RERG: variants seen among roughly 807,000 people sequenced by gnomAD.
RERG encodes RAS like estrogen regulated growth inhibitor.
RERG carries 25 observed loss-of-function variants against 23.2 expected under a neutral mutation model. That is an observed-to-expected ratio of 1.08 (90% CI 0.79 to 1.50). The LOEUF is 1.50. Among genes scored for constraint, RERG ranks in the 40% most tolerant of loss-of-function variants. The pLI is 0.00. For synonymous variants in RERG, 81 were observed against 89.1 expected (o/e 0.91, Z 0.51); for missense variants, 253 against 250.1 (o/e 1.01, Z -0.08).
At chr12:15,122,793 T>G (rs575068502) in intron 2 of RERG, among the ~76,000 whole-genome samples, 34 of 152,048 alleles carry the variant, frequency 2.2e-4, no homozygotes, top group Admixed American at 6.6e-4. Context: ...TAGTTGTTTT[T>G]TTTTTTGTTT....
At chr12:15,196,827 ATGT>A (rs1216019884) in intron 2 of RERG, among the ~76,000 whole-genome samples, 1 of 152,110 alleles carries the variant, frequency 6.6e-6, no homozygotes, top group Non-Finnish European at 1.5e-5. Context: ...ATTTTTACAA[ATGT>A]TGTGCAATCC....
At chr12:15,147,660 T>C (rs1565519039) in intron 2 of RERG, among the ~76,000 whole-genome samples, 1 of 152,300 alleles carries the variant, frequency 6.6e-6, no homozygotes, top group East Asian at 1.9e-4. Context: ...TAACCCAGAA[T>C]GTTCAATTAA....
intron 1 of RERG, chr12:15,217,863 A>G (rs12825422): frequency 5.8e-6 from 1 of 173,070 alleles, no homozygotes; most frequent in Non-Finnish European, 1.2e-5. Context: ...TACTTCCTCA[A>G]GAAATTTTCT....
chr12:15,155,395 G>A (rs1457334226), intron 2 of RERG: 1 of 152,232 alleles, frequency 6.6e-6, no homozygotes, highest in East Asian at 1.9e-4. Flanking sequence ...TAGTCCTTCT[G>A]AGCTGTGTTT....
In RERG at chr12:15,204,855, T is replaced by C. The variant is rs1158637323; in HGVS notation, c.61+12574A>G. 2.6e-5 allele frequency among the ~76,000 whole-genome samples: 4 copies of C among 152,074 alleles called. No homozygotes were observed. The East Asian group carries it at 5.8e-4, about 22-fold the overall frequency. ...TTTTAAAAACTCATAATGAGCTCTG[T>C]CATTTCTTAAAGTCTCTCCTTCTCT... On this transcript the variant is annotated intron_variant, in intron 2 of 4. Transcript: ENST00000256953.
At chr12:15,143,532 G>C (rs1864277044) in intron 2 of RERG, among the ~76,000 whole-genome samples, 1 of 152,050 alleles carries the variant, frequency 6.6e-6, no homozygotes, top group African/African-American at 2.4e-5. Flanking sequence ...TACCTACTAT[G>C]TGCATGGCAA....
chr12:15,147,152 T>A (rs1444102554), intron 2 of RERG, among the ~76,000 whole-genome samples: 1 of 152,008 alleles, frequency 6.6e-6, no homozygotes, highest in African/African-American at 2.4e-5. Flanking sequence ...TTTAACAAAA[T>A]GAATTCACCA....
At chr12:15,169,920 ATGTGTGTGTGTGTGTGTGTGTGTGTG>A (rs61079713) in intron 2 of RERG, among the ~76,000 whole-genome samples, 1 of 137,696 alleles carries the variant, frequency 7.3e-6, no homozygotes, top group Non-Finnish European at 1.6e-5. Context: ...TCTGCTAAAA[ATGTGTGTGTGTGTGTGTGTGTGTGTG>A]TGTGTGTGTG....
At chr12:15,177,081 G>A (rs1278615782) in intron 2 of RERG, among the ~76,000 whole-genome samples, 1 of 152,190 alleles carries the variant, frequency 6.6e-6, no homozygotes, top group Non-Finnish European at 1.5e-5. Context: ...GTGATATGCA[G>A]TATGCATAAT....
intron 2 of RERG, among the ~76,000 whole-genome samples, chr12:15,172,485 T>C (rs1043150734): frequency 2.0e-5 from 3 of 152,136 alleles, no homozygotes; most frequent in Non-Finnish European, 4.4e-5. Flanking sequence ...CTATTGGATA[T>C]GTATCTAGAA....
intron 2 of RERG, among the ~76,000 whole-genome samples, chr12:15,191,242 C>T (rs544287588): frequency 5.0e-4 from 76 of 152,226 alleles, no homozygotes; most frequent in Admixed American, 2.2e-3. Context: ...TCTGTGTAGA[C>T]TAAAATGATT....
chr12:15,179,882 T>C (rs1864901094), intron 2 of RERG, among the ~76,000 whole-genome samples: 1 of 152,188 alleles, frequency 6.6e-6, no homozygotes, highest in African/African-American at 2.4e-5. Flanking sequence ...ACAGCTGGAC[T>C]TTCCATGAAG....
chr12:15,120,568 ACAT>A (rs2136088016), intron 3 of RERG, among the ~76,000 whole-genome samples: 2 of 152,164 alleles, frequency 1.3e-5, no homozygotes, highest in South Asian at 4.2e-4. Flanking sequence ...AGATCCACAG[ACAT>A]CATATTTTGC....
At position 15,108,501 on chromosome 12, in the gene RERG, G is replaced by A. The variant is rs1490058177; in HGVS notation, c.*609C>T. The A allele has an allele frequency of 2.0e-5, 3 of 152,610 alleles. No individual in the cohort carries two copies. Among genetic ancestry groups the A allele is most frequent in the African/African-American group, 7.2e-5 (3 of 41,432 alleles). The allele number at this position is 152,610 out of a possible 1,614,324, so 9.5% of individuals were successfully genotyped here. A position where few individuals can be genotyped will look rare whatever the true frequency, so the allele number is the denominator to read the frequency against. On this transcript the variant is annotated 3_prime_UTR_variant, in exon 5 of 5. Coordinates refer to ENST00000256953, the MANE Select transcript of RERG (RefSeq NM_032918.3). ...GAGAGTTAGGGTGTAATGATCAATAGATCATTGAGAGAACCAACTCAAATT... is the reference window on the plus strand; with the variant it reads ...GAGAGTTAGGGTGTAATGATCAATAAATCATTGAGAGAACCAACTCAAATT...
At chr12:15,173,197 T>C (rs965800431) in intron 2 of RERG, among the ~76,000 whole-genome samples, 1 of 152,024 alleles carries the variant, frequency 6.6e-6, no homozygotes, top group African/African-American at 2.4e-5. Flanking sequence ...TGCATTCAGT[T>C]ATCCCAGAAC....
At chr12:15,140,362 C>T (rs925859730) in intron 2 of RERG, among the ~76,000 whole-genome samples, 30 of 152,178 alleles carry the variant, frequency 2.0e-4, no homozygotes, top group African/African-American at 7.0e-4. Flanking sequence ...ACATTACTGT[C>T]ATTCATATTC....
intron 2 of RERG, among the ~76,000 whole-genome samples, chr12:15,164,246 C>G (rs779728381): frequency 7.2e-5 from 11 of 152,172 alleles, no homozygotes; most frequent in Non-Finnish European, 1.6e-4. Flanking sequence ...ATCCTCCTTT[C>G]TAGAGCTTCT....
intron 2 of RERG, among the ~76,000 whole-genome samples, chr12:15,135,727 G>C (rs1355335406): frequency 2.0e-5 from 3 of 151,916 alleles, no homozygotes; most frequent in Non-Finnish European, 2.9e-5. Flanking sequence ...ATGTCAACCG[G>C]TCTTGCATAT....
intron 2 of RERG, among the ~76,000 whole-genome samples, chr12:15,134,509 T>C (rs1864110167): frequency 6.6e-6 from 1 of 152,172 alleles, no homozygotes; most frequent in Non-Finnish European, 1.5e-5. Context: ...TTCTGATTAC[T>C]GTAGCTTTAT....
Sources: allele counts gnomAD v4.1 joint callset (sites outside exome capture counted in the v4.1 genomes callset), GRCh38; gene constraint gnomAD v4.1.1; transcripts MANE v1.5; gene names NCBI Gene and HGNC (gene_info 2026-07-23, HGNC 2026-07-21).